The following LIFR variants were observed in gnomAD, a reference collection of about 807,000 sequenced individuals.
The protein encoded by LIFR is leukemia inhibitory factor receptor.
Under a neutral mutation model 122.2 loss-of-function variants are expected in LIFR, and 84 were observed. The ratio of observed to expected loss-of-function variants is 0.69; its 90% CI spans 0.58 to 0.82. The LOEUF (loss-of-function observed/expected upper bound fraction) is 0.82, where lower values mean the gene tolerates loss of function less well. LIFR is among the 40% of genes least tolerant of loss of function. LIFR has a pLI of 0.00. For missense variants in LIFR, 1,294 were observed against 1,311.6 expected, an observed-to-expected ratio of 0.99 and a Z score of 0.21; for synonymous variants, 422 against 434.7, an observed-to-expected ratio of 0.97 and a Z score of 0.36.
intron 12 of LIFR, among the ~76,000 whole-genome samples, chr5:38,498,662 A>T (rs1745014957): frequency 6.6e-6 from 1 of 152,226 alleles, no homozygotes; most frequent in African/African-American, 2.4e-5. Flanking sequence ...GTTTTCGTCT[A>T]GTTTGAACAA....
At chr5:38,565,653 T>C (rs1360426524) in intron 1 of LIFR, among the ~76,000 whole-genome samples, 1 of 151,704 alleles carries the variant, frequency 6.6e-6, no homozygotes, top group East Asian at 1.9e-4. Context: ...AATGGCGCAG[T>C]CTCGGCTCAC....
intron 1 of LIFR, among the ~76,000 whole-genome samples, chr5:38,551,695 G>T (rs1748210141): frequency 6.6e-6 from 1 of 152,148 alleles, no homozygotes; most frequent in African/African-American, 2.4e-5. Context: ...CTCTGTATCT[G>T]CCTTACAAAC....
At chr5:38,573,471 A>G (rs1749280962) in intron 1 of LIFR, among the ~76,000 whole-genome samples, 1 of 152,366 alleles carries the variant, frequency 6.6e-6, no homozygotes, top group Non-Finnish European at 1.5e-5. Flanking sequence ...CATAGTAAGC[A>G]TTCAACAAAT....
Position 38,481,977 on chromosome 5 carries a change from T to G in LIFR, c.2912A>C (p.Gln971Pro), listed in dbSNP as rs141551452. 5 of 1,614,112 alleles carry G rather than the reference T, an allele frequency of 3.1e-6. No individual in the cohort carries two copies. In the African/African-American group the frequency reaches 6.7e-5, roughly 22 times the overall value. The change falls in exon 20 of 20, where the codon CAG (glutamine) becomes CCG (proline). Residue 971 changes from glutamine (Q) to proline (P), a missense_variant. Physicochemically the swap from Gln to Pro is moderately conservative, Grantham distance 76. Transcript: ENST00000453190. ...PAADEAGGTA[Q>P]VIYIDVQSMY... ...CGACTGAACATCAATGTAAATAACC[T>G]GTGCAGTCCCTCCAGCTTCATCTGC...
chr5:38,578,907 C>A (rs958808744), intron 1 of LIFR, among the ~76,000 whole-genome samples: 4 of 152,080 alleles, frequency 2.6e-5, no homozygotes, highest in Non-Finnish European at 5.9e-5. Flanking sequence ...TTTAGTTCAC[C>A]TTCAAGTGTA....
At chr5:38,580,347 T>C (rs941705776) in intron 1 of LIFR, among the ~76,000 whole-genome samples, 4 of 152,162 alleles carry the variant, frequency 2.6e-5, no homozygotes, top group Non-Finnish European at 4.4e-5. Flanking sequence ...TTTTAAGTCA[T>C]TGTGGTGATC....
chr5:38,553,970 T>G (rs1477678838), intron 1 of LIFR, among the ~76,000 whole-genome samples: 1 of 152,008 alleles, frequency 6.6e-6, no homozygotes, highest in Non-Finnish European at 1.5e-5. Context: ...TCTGTAACCA[T>G]ATTATACTAA....
At chr5:38,501,940 G>C (rs1311038034) in intron 11 of LIFR, among the ~76,000 whole-genome samples, 2 of 150,432 alleles carry the variant, frequency 1.3e-5, no homozygotes, top group Non-Finnish European at 3.0e-5. Context: ...CTCAGGTCTA[G>C]GTCACAAATA....
chr5:38,506,470 T>A lies in LIFR; in HGVS notation c.1121+33A>T, dbSNP rs752087883. 9 of 1,613,448 alleles carry A rather than the reference T, an allele frequency of 5.6e-6. No individual in the cohort carries two copies. The African/African-American group carries it at 1.1e-4, about 19-fold the overall frequency. On this transcript the variant is annotated intron_variant, in intron 8 of 19. Coordinates refer to ENST00000453190, the MANE Select transcript of LIFR (RefSeq NM_001127671.2). ...TAACATGCACTTCCAACGTACTCCT[T>A]GCCATCTGACATCTTTTCCCAGTTA...
intron 1 of LIFR, among the ~76,000 whole-genome samples, chr5:38,551,808 A>C (rs1043750439): frequency 6.6e-6 from 1 of 152,230 alleles, no homozygotes; most frequent in African/African-American, 2.4e-5. Flanking sequence ...AAAGCATAGA[A>C]TAGTATCTCC....
At chr5:38,506,424 A>G in intron 8 of LIFR, 79 bp downstream of exon 8, 1 of 1,492,494 alleles carries the variant, frequency 6.7e-7, no homozygotes, top group Non-Finnish European at 9.3e-7. Context: ...TAAATGATCT[A>G]GTGCAGTTCC....
chr5:38,533,329 A>T (rs1011083813), intron 1 of LIFR, among the ~76,000 whole-genome samples: 1 of 152,210 alleles, frequency 6.6e-6, no homozygotes, highest in African/African-American at 2.4e-5. Context: ...TGTTGAATGG[A>T]AAGAAAAATA....
chr5:38,510,394 A>C, intron 7 of LIFR, 70 bp downstream of exon 7: 3 of 1,388,248 alleles, frequency 2.2e-6, no homozygotes, highest in Non-Finnish European at 3.0e-6. Context: ...CCCACTCCAG[A>C]AGAATTAAGG....
intron 1 of LIFR, among the ~76,000 whole-genome samples, chr5:38,587,629 T>G (rs369699122): frequency 1.4e-4 from 21 of 152,284 alleles, no homozygotes; most frequent in African/African-American, 4.8e-4. Flanking sequence ...TGGTGGTGGT[T>G]GTTACTGTTT....
chr5:38,589,222 T>C (rs1004609279), intron 1 of LIFR, among the ~76,000 whole-genome samples: 10 of 152,076 alleles, frequency 6.6e-5, no homozygotes, highest in African/African-American at 2.4e-4. Context: ...TTAGCCAGGA[T>C]GAAGAGCTCT....
chr5:38,545,345 AAT>A (rs898840655), intron 1 of LIFR, among the ~76,000 whole-genome samples: 26 of 150,822 alleles, frequency 1.7e-4, no homozygotes, highest in African/African-American at 5.7e-4. Flanking sequence ...TGTAGACATA[AAT>A]ATATGTGTGT....
At chr5:38,514,335 T>C (rs551475321) in intron 5 of LIFR, among the ~76,000 whole-genome samples, 1 of 152,144 alleles carries the variant, frequency 6.6e-6, no homozygotes, top group South Asian at 2.1e-4. Flanking sequence ...CAGATAAAGA[T>C]TGATCCACAC....
chr5:38,598,434 T>C (rs911370565), upstream of LIFR, among the ~76,000 whole-genome samples: 4 of 151,586 alleles, frequency 2.6e-5, no homozygotes, highest in African/African-American at 9.7e-5. Flanking sequence ...TTTGTAGAGA[T>C]GACGTTTCAC....
At chr5:38,563,599 T>C (rs558695529) in intron 1 of LIFR, among the ~76,000 whole-genome samples, 10 of 152,278 alleles carry the variant, frequency 6.6e-5, no homozygotes, top group Admixed American at 5.2e-4. Context: ...TGGCTAAAAG[T>C]GGGGCTCAGA....
Sources: allele counts gnomAD v4.1 joint callset (sites outside exome capture counted in the v4.1 genomes callset), GRCh38; gene constraint gnomAD v4.1.1; transcripts MANE v1.5; gene names NCBI Gene and HGNC (gene_info 2026-07-23, HGNC 2026-07-21).